Variants in ZNF804A observed in about 807,000 individuals in gnomAD.
ZNF804A encodes the protein zinc finger protein 804A.
A neutral mutation model predicts 16.5 loss-of-function variants in ZNF804A; 2 were observed. The ratio of observed to expected loss-of-function variants is 0.12; its 90% confidence interval spans 0.05 to 0.38. The LOEUF is 0.38. Among genes scored for constraint, ZNF804A ranks in the 10% least tolerant of loss-of-function variants. The pLI, the probability that ZNF804A is intolerant of heterozygous loss-of-function variation, is 0.99. For missense variants in ZNF804A, 1,473 were observed against 1,390.7 expected, an observed-to-expected ratio of 1.06 and a Z score of -0.94; for synonymous variants, 534 against 489.6, an observed-to-expected ratio of 1.09 and a Z score of -1.20.
chr2:184,862,565 C>T (rs866676641), intron 1 of ZNF804A, among the ~76,000 whole-genome samples: 18 of 152,106 alleles, frequency 1.2e-4, no homozygotes, highest in Non-Finnish European at 1.6e-4. Flanking sequence ...GAGAAAGCAA[C>T]AGAACACACA....
intron 2 of ZNF804A, among the ~76,000 whole-genome samples, chr2:184,890,272 C>T (rs763363029): frequency 4.6e-5 from 7 of 152,116 alleles, no homozygotes; most frequent in Non-Finnish European, 1.0e-4. Context: ...TATATGACTT[C>T]GTTGATAAGA....
chr2:184,742,657 T>C, intron 1 of ZNF804A, among the ~76,000 whole-genome samples: 1 of 131,534 alleles, frequency 7.6e-6, no homozygotes, highest in African/African-American at 3.7e-5. Flanking sequence ...GGTTAATAAA[T>C]ATTTGTAAAT....
At chr2:184,708,496 C>T (rs1291852296) in intron 1 of ZNF804A, among the ~76,000 whole-genome samples, 2 of 152,078 alleles carry the variant, frequency 1.3e-5, no homozygotes, top group Admixed American at 1.3e-4. Context: ...TAAAGCTGCA[C>T]ACCTACAGCC....
intron 1 of ZNF804A, among the ~76,000 whole-genome samples, chr2:184,815,953 A>G (rs1694976366): frequency 6.6e-6 from 1 of 151,940 alleles, no homozygotes; most frequent in African/African-American, 2.4e-5. Flanking sequence ...GATACATATA[A>G]ACACCAAGTG....
chr2:184,602,114 T>C (rs138786316), intron 1 of ZNF804A, among the ~76,000 whole-genome samples: 2,491 of 152,046 alleles, frequency 0.016, 24 homozygotes, highest in Admixed American at 0.024. Context: ...TAGGTCATAT[T>C]ATACCACCCA....
At chr2:184,659,049 C>A (rs1692125304) in intron 1 of ZNF804A, among the ~76,000 whole-genome samples, 2 of 151,984 alleles carry the variant, frequency 1.3e-5, no homozygotes, top group South Asian at 4.1e-4. Context: ...ACCAATGATG[C>A]CAAACAAATA....
chr2:184,753,471 A>G (rs1390095548), intron 1 of ZNF804A, among the ~76,000 whole-genome samples: 2 of 151,724 alleles, frequency 1.3e-5, no homozygotes, highest in South Asian at 2.1e-4. Context: ...TCTCTGATCA[A>G]TGTTTAAAAA....
At chr2:184,707,915 A>C (rs1574172949) in intron 1 of ZNF804A, among the ~76,000 whole-genome samples, 1 of 152,252 alleles carries the variant, frequency 6.6e-6, no homozygotes, top group Admixed American at 6.5e-5. Context: ...ACAGTGTATA[A>C]GCATTTCCTT....
At chr2:184,638,546 T>G (rs1377520874) in intron 1 of ZNF804A, among the ~76,000 whole-genome samples, 1 of 152,186 alleles carries the variant, frequency 6.6e-6, no homozygotes, top group African/African-American at 2.4e-5. Context: ...GAATTTGAAG[T>G]TCAAAAGTAT....
intron 1 of ZNF804A, among the ~76,000 whole-genome samples, chr2:184,637,824 AT>A (rs996378471): frequency 2.0e-5 from 3 of 152,222 alleles, no homozygotes; most frequent in African/African-American, 7.2e-5. Context: ...CAATTAAATC[AT>A]AAAAGTGGAA....
intron 2 of ZNF804A, among the ~76,000 whole-genome samples, chr2:184,932,021 A>C (rs543780097): frequency 1.3e-5 from 2 of 152,300 alleles, no homozygotes; most frequent in Admixed American, 1.3e-4. Context: ...CATTTATTCC[A>C]GTTCCCAATA....
chr2:184,860,737 C>T (rs1695787342), intron 1 of ZNF804A, among the ~76,000 whole-genome samples: 1 of 152,194 alleles, frequency 6.6e-6, no homozygotes, highest in South Asian at 2.1e-4. Flanking sequence ...AATGGCTGGA[C>T]CTGGATCCTG....
intron 1 of ZNF804A, among the ~76,000 whole-genome samples, chr2:184,697,836 G>A (rs76507923): frequency 2.0e-5 from 3 of 151,922 alleles, no homozygotes; most frequent in African/African-American, 7.3e-5. Context: ...CATCGAATTC[G>A]GTGGCTTTTA....
intron 1 of ZNF804A, among the ~76,000 whole-genome samples, chr2:184,860,280 C>T (rs1003639779): frequency 9.2e-5 from 14 of 152,280 alleles, no homozygotes; most frequent in African/African-American, 3.4e-4. Flanking sequence ...GTCCTGGGTC[C>T]TCAGTCAATA....
intron 1 of ZNF804A, among the ~76,000 whole-genome samples, chr2:184,760,239 A>C (rs1258970546): frequency 2.0e-5 from 3 of 152,152 alleles, no homozygotes; most frequent in Non-Finnish European, 2.9e-5. Context: ...TGCAAAATTG[A>C]AATCTTAAAT....
chr2:184,809,989 A>G (rs1258693205), intron 1 of ZNF804A, among the ~76,000 whole-genome samples: 3 of 152,166 alleles, frequency 2.0e-5, no homozygotes, highest in Non-Finnish European at 4.4e-5. Context: ...AATTTTCAAT[A>G]AATGTTTGAC....
At chr2:184,639,040 T>C (rs997722679) in intron 1 of ZNF804A, among the ~76,000 whole-genome samples, 1 of 151,690 alleles carries the variant, frequency 6.6e-6, no homozygotes, top group Non-Finnish European at 1.5e-5. Flanking sequence ...ACTTACTTCA[T>C]GCATCATCTT....
intron 2 of ZNF804A, among the ~76,000 whole-genome samples, chr2:184,929,289 C>T (rs940071747): frequency 1.3e-5 from 2 of 152,138 alleles, no homozygotes; most frequent in Non-Finnish European, 2.9e-5. Flanking sequence ...TATTTCTAAA[C>T]CTCAATGGTT....
chr2:184,900,440 C>T (rs1249685507), intron 2 of ZNF804A, among the ~76,000 whole-genome samples: 1 of 152,086 alleles, frequency 6.6e-6, no homozygotes, highest in Non-Finnish European at 1.5e-5. Flanking sequence ...AGTGTATAGA[C>T]AGGGGTAGAT....
Sources: gnomAD v4.1 joint callset for allele counts (sites outside exome capture counted in the v4.1 genomes callset) on GRCh38, gnomAD v4.1.1 for gene constraint, MANE v1.5 for transcripts, NCBI Gene and HGNC (gene_info 2026-07-23, HGNC 2026-07-21) for gene names.